Variants in SVOP observed in about 807,000 individuals in gnomAD.
SVOP encodes the protein synaptic vesicle 2-related protein.
SVOP carries 17 observed loss-of-function variants against 69.1 expected under a neutral mutation model. That is an observed-to-expected ratio of 0.25 (90% CI 0.17 to 0.37). The LOEUF is 0.37. Among genes scored for constraint, SVOP ranks in the 10% least tolerant of loss-of-function variants. The probability of loss-of-function intolerance (pLI) is 1.00; values close to 1 mark genes in which losing one functional copy is unlikely to be tolerated. For missense variants in SVOP, 435 were observed against 597.5 expected (o/e 0.73, Z 2.84); for synonymous variants, 238 against 238.6 (o/e 1.00, Z 0.02).
At chr12:108,993,592 T>C (rs1369178762) in intron 1 of SVOP, among the ~76,000 whole-genome samples, 1 of 151,986 alleles carries the variant, frequency 6.6e-6, no homozygotes, top group East Asian at 1.9e-4. Context: ...AAAATAATGA[T>C]TAAAAATGGA....
intron 2 of SVOP, 148 bp downstream of exon 2, chr12:108,983,453 T>C: frequency 2.5e-6 from 1 of 397,706 alleles, no homozygotes; most frequent in Non-Finnish European, 4.4e-6. Flanking sequence ...AAGTAAGCTA[T>C]GTAGGCTCAG....
At chr12:109,018,640 T>A (rs113533505) in intron 1 of SVOP, among the ~76,000 whole-genome samples, 142 of 152,330 alleles carry the variant, frequency 9.3e-4, no homozygotes, top group Middle Eastern at 6.8e-3. Flanking sequence ...CTCAGATTCA[T>A]GTGGCCATTC....
intron 7 of SVOP, among the ~76,000 whole-genome samples, chr12:108,941,853 C>G (rs932116052): frequency 6.6e-6 from 1 of 151,824 alleles, no homozygotes; most frequent in Non-Finnish European, 1.5e-5. Flanking sequence ...TTAGTAGAGA[C>G]GGGGTTTCAC....
At chr12:108,984,267 G>A (rs1052394485) in intron 1 of SVOP, among the ~76,000 whole-genome samples, 3,266 of 152,166 alleles carry the variant, frequency 0.021, 48 homozygotes, top group Non-Finnish European at 0.033. Context: ...ATCCTCCCTC[G>A]TCAGCCTCCC....
At chr12:108,995,340 A>T (rs2040225288) in intron 1 of SVOP, among the ~76,000 whole-genome samples, 1 of 152,006 alleles carries the variant, frequency 6.6e-6, no homozygotes, top group Non-Finnish European at 1.5e-5. Context: ...ATTGTGACAC[A>T]TGTTACAACA....
intron 14 of SVOP, among the ~76,000 whole-genome samples, chr12:108,916,519 C>T (rs898743170): frequency 6.6e-6 from 1 of 152,182 alleles, no homozygotes; most frequent in Non-Finnish European, 1.5e-5. Flanking sequence ...TGTTTGGCAG[C>T]ATCCCTGGCC....
At chr12:108,928,630 A>C (rs939666069) in intron 11 of SVOP, among the ~76,000 whole-genome samples, 3 of 150,902 alleles carry the variant, frequency 2.0e-5, no homozygotes, top group Non-Finnish European at 4.4e-5. Context: ...GCAGTGGTAC[A>C]ATCTCGTCTC....
intron 1 of SVOP, among the ~76,000 whole-genome samples, chr12:109,014,782 C>T (rs985046061): frequency 6.6e-6 from 1 of 152,114 alleles, no homozygotes; most frequent in Non-Finnish European, 1.5e-5. Context: ...AGTGTAGTGG[C>T]ACATTCATAG....
rs1456269885 is a variant in SVOP at position 108,912,335 on chromosome 12, C to T, written c.*200G>A. 9.7e-6 allele frequency: 14 copies of T among 1,440,564 alleles called. No individual in the cohort carries two copies. Among genetic ancestry groups the T allele is most frequent in the Non-Finnish European group, 1.3e-5 (14 of 1,102,160 alleles). 89.2% of individuals were successfully genotyped at this position (1,440,564 alleles called of 1,614,324 possible). The stretch of plus-strand genomic sequence containing the variant: ...CTTTCACCACATATACAGAGAACCC[C>T]CTAGAGCAAACATCTCCCCATCCCT... On this transcript the variant is annotated 3_prime_UTR_variant, in exon 16 of 16. Coordinates refer to ENST00000610966, the MANE Select transcript of SVOP (RefSeq NM_018711.5).
At chr12:108,968,710 AGTGT>A (rs370262601) in intron 5 of SVOP, among the ~76,000 whole-genome samples, 119 of 149,538 alleles carry the variant, frequency 8.0e-4, no homozygotes, top group Middle Eastern at 3.5e-3. Context: ...GGATTCCTGA[AGTGT>A]GTGTGTGTGT....
At chr12:108,943,054 C>T (rs1438860628) in intron 7 of SVOP, among the ~76,000 whole-genome samples, 2 of 151,964 alleles carry the variant, frequency 1.3e-5, no homozygotes, top group Non-Finnish European at 2.9e-5. Context: ...CCACTGTGCC[C>T]GGCCAATAGT....
chr12:108,947,884 C>T (rs36138239), intron 6 of SVOP, among the ~76,000 whole-genome samples: 80,540 of 151,844 alleles, frequency 0.53, 22,405 homozygotes, highest in South Asian at 0.64. Flanking sequence ...TCCTTTAACC[C>T]TGTGAAGGCA....
At chr12:108,960,016 G>A (rs1466783503) in intron 6 of SVOP, among the ~76,000 whole-genome samples, 1 of 152,192 alleles carries the variant, frequency 6.6e-6, no homozygotes, top group African/African-American at 2.4e-5. Context: ...AGAGATTAAA[G>A]GAGATCATCT....
intron 4 of SVOP, among the ~76,000 whole-genome samples, chr12:108,974,644 T>C (rs968548390): frequency 2.2e-4 from 33 of 151,914 alleles, no homozygotes; most frequent in African/African-American, 7.0e-4. Context: ...GGTGGGAGGA[T>C]GGCTTGAACT....
chr12:108,954,126 A>AG (rs2039972956), intron 6 of SVOP, among the ~76,000 whole-genome samples: 1 of 151,590 alleles, frequency 6.6e-6, no homozygotes, highest in Admixed American at 6.6e-5. Flanking sequence ...AAAAAAAAAA[A>AG]AAAAAAAAAG....
At chr12:108,913,612 GC>G (rs1480118479) in intron 15 of SVOP, among the ~76,000 whole-genome samples, 2 of 152,228 alleles carry the variant, frequency 1.3e-5, no homozygotes, top group Admixed American at 1.3e-4. Flanking sequence ...CAACTTCCTA[GC>G]TTTTGGCACA....
chr12:108,944,982 A>G (rs895727513), intron 7 of SVOP, 121 bp downstream of exon 7: 2 of 854,440 alleles, frequency 2.3e-6, no homozygotes, highest in Admixed American at 2.5e-5. Flanking sequence ...ACGTCTTTGC[A>G]TATTGAGTCT....
chr12:108,929,300 T>TTTAGTTAG (rs200245336), intron 11 of SVOP, among the ~76,000 whole-genome samples: 1 of 152,208 alleles, frequency 6.6e-6, no homozygotes, highest in Non-Finnish European at 1.5e-5. Flanking sequence ...TATTTATTTA[T>TTTAGTTAG]TTAGTTAGTT....
chr12:108,914,673 A>G (rs10861979), intron 15 of SVOP, among the ~76,000 whole-genome samples: 51,266 of 151,378 alleles, frequency 0.34, 9,470 homozygotes, highest in Admixed American at 0.53. Flanking sequence ...GGTTCAAGCA[A>G]TTTTTGTGCC....
Sources: allele counts gnomAD v4.1 joint callset (sites outside exome capture counted in the v4.1 genomes callset), GRCh38; gene constraint gnomAD v4.1.1; transcripts MANE v1.5; gene names NCBI Gene and HGNC (gene_info 2026-07-23, HGNC 2026-07-21).